The following MCM9 variants were observed in gnomAD, a reference collection of about 807,000 sequenced individuals.
The protein encoded by MCM9 is DNA helicase MCM9.
A neutral mutation model predicts 72.8 loss-of-function variants in MCM9; 55 were observed. That is an observed-to-expected ratio of 0.76 (90% CI 0.61 to 0.95). The LOEUF (loss-of-function observed/expected upper bound fraction) is 0.95, where lower values mean the gene tolerates loss of function less well. Ranked by LOEUF, MCM9 falls within the 40% of genes least tolerant of loss-of-function variation. The pLI is 0.00. For missense variants in MCM9, 1,279 were observed against 1,377.0 expected, an observed-to-expected ratio of 0.93 and a Z score of 1.13; for synonymous variants, 480 against 503.4, an observed-to-expected ratio of 0.95 and a Z score of 0.62.
At chr6:118,816,379 C>T in intron 13 of MCM9, 85 bp from the exon 14 acceptor site, 2 of 1,180,444 alleles carry the variant, frequency 1.7e-6, no homozygotes, top group Middle Eastern at 2.0e-4. Context: ...CTCTGAGATA[C>T]CATCTTAAAG....
intron 1 of MCM9, among the ~76,000 whole-genome samples, chr6:118,933,879 T>A (rs1003413218): frequency 3.4e-5 from 5 of 147,614 alleles, no homozygotes; most frequent in Admixed American, 1.4e-4. Context: ...CGGTAATTTG[T>A]TTTTGGTTAA....
chr6:118,894,587 G>T (rs1779214362), intron 8 of MCM9: 7 of 1,355,038 alleles, frequency 5.2e-6, no homozygotes, highest in Non-Finnish European at 7.1e-6. Context: ...AGTTTCCCGG[G>T]CCGGGCCTCG....
At chr6:118,931,884 C>G in intron 2 of MCM9, 146 bp from the exon 3 acceptor site, 3 of 662,240 alleles carry the variant, frequency 4.5e-6, no homozygotes, top group Non-Finnish European at 5.0e-6. Flanking sequence ...TTAATGAAAT[C>G]TGAATTATCT....
chr6:118,815,253 G>T lies in MCM9; in HGVS notation c.3003C>A (p.His1001Gln), dbSNP rs779115331. ...KEVSQQPPEK[H>Q]GPREKVMCAP... ...CACACATCACCTTCTCTCTTGGTCCGTGTTTCTCTGGTGGCTGCTGCGACA... is the reference window on the plus strand; with the variant it reads ...CACACATCACCTTCTCTCTTGGTCCTTGTTTCTCTGGTGGCTGCTGCGACA... The change falls in exon 14 of 14, where the codon CAC becomes CAA. Residue 1001 changes from histidine (H) to glutamine (Q), a missense_variant. Transcript: ENST00000619706. 4 of 1,550,636 alleles carry T rather than the reference G, an allele frequency of 2.6e-6. No homozygotes were observed. The highest frequency in any genetic ancestry group is 3.5e-6 in the Non-Finnish European group (4 of 1,146,964).
intron 11 of MCM9, 116 bp downstream of exon 11, chr6:118,827,811 A>G (rs1402547501): frequency 8.5e-6 from 8 of 944,052 alleles, no homozygotes; most frequent in Non-Finnish European, 1.3e-5. Context: ...TTAAGTGACT[A>G]TGAGCACCTT....
At position 118,837,619 on chromosome 6, in the gene MCM9, G is replaced by A. The variant is rs1215178048; in HGVS notation, c.1326-8369C>T. 3.3e-5 allele frequency among the ~76,000 whole-genome samples: 5 copies of A among 152,248 alleles called. No homozygotes were observed. In the East Asian group the frequency reaches 9.6e-4, roughly 29 times the overall value. ...GTTGCATTGATCCCTTTACCATTATGTAGTACCCTTCTTTGCCTTTTTTTA... is the reference window on the plus strand; with the variant it reads ...GTTGCATTGATCCCTTTACCATTATATAGTACCCTTCTTTGCCTTTTTTTA... On this transcript the variant is annotated intron_variant, in intron 9 of 13. Coordinates refer to ENST00000619706, the MANE Select transcript of MCM9 (RefSeq NM_017696.3).
intron 8 of MCM9, chr6:118,894,515 G>C (rs1429432135): frequency 2.0e-6 from 3 of 1,536,882 alleles, no homozygotes; most frequent in Non-Finnish European, 2.6e-6. Flanking sequence ...TCGAGGACCT[G>C]TCTGAAGGTG....
At chr6:118,923,747 C>A in intron 4 of MCM9, 64 bp downstream of exon 4, 1 of 1,395,736 alleles carries the variant, frequency 7.2e-7, no homozygotes, top group Non-Finnish European at 9.9e-7. Context: ...CTAATCCTCC[C>A]AATGTGCCCA....
intron 8 of MCM9, among the ~76,000 whole-genome samples, chr6:118,878,788 G>A (rs1435507852): frequency 1.3e-5 from 2 of 152,106 alleles, no homozygotes; most frequent in Non-Finnish European, 2.9e-5. Context: ...TGGGCACAGT[G>A]GCTTACACCT....
In MCM9 at chr6:118,932,718, T is replaced by G. The variant is rs569104527; in HGVS notation, c.-127A>C. 29 of 576,140 alleles carry G rather than the reference T, an allele frequency of 5.0e-5. No individual in the cohort carries two copies. Among genetic ancestry groups the G allele is most frequent in the African/African-American group, 1.0e-4 (5 of 49,570 alleles). The allele number at this position is 576,140 out of a possible 1,614,324, so 35.7% of individuals were successfully genotyped here. A position where few individuals can be genotyped will look rare whatever the true frequency, so the allele number is the denominator to read the frequency against. ...TCTTTCTCTTTCTTACCGTAGGAAATCTACTGGGTTCTGCAGAAACAGCTG... is the reference window on the plus strand; with the variant it reads ...TCTTTCTCTTTCTTACCGTAGGAAAGCTACTGGGTTCTGCAGAAACAGCTG... On this transcript the variant is annotated 5_prime_UTR_variant, in exon 2 of 14. Transcript: ENST00000619706.
At chr6:118,818,785 G>C (rs538590192) in intron 13 of MCM9, among the ~76,000 whole-genome samples, 2,035 of 152,252 alleles carry the variant, frequency 0.013, 20 homozygotes, top group Middle Eastern at 0.041. Context: ...CCATTTGTTT[G>C]TATCCTCTCT....
chr6:118,856,329 A>C lies in MCM9; in HGVS notation c.1325+42T>G, dbSNP rs190535767. On this transcript the variant is annotated intron_variant, in intron 9 of 13. Coordinates refer to ENST00000619706, the MANE Select transcript of MCM9 (RefSeq NM_017696.3). ...TCACATTTTCCCCTAAGCATATATTAAATAATCTCATTATTCCCATAGATT... is the reference window on the plus strand; with the variant it reads ...TCACATTTTCCCCTAAGCATATATTCAATAATCTCATTATTCCCATAGATT... 1.0e-4 allele frequency: 153 copies of C among 1,502,198 alleles called. No homozygotes were observed. The African/African-American group carries it at 2.0e-3, about 20-fold the overall frequency. 93.1% of individuals were successfully genotyped at this position (1,502,198 alleles called of 1,614,324 possible).
chr6:118,851,293 A>G (rs1776211082), intron 9 of MCM9, among the ~76,000 whole-genome samples: 2 of 151,860 alleles, frequency 1.3e-5, no homozygotes, highest in East Asian at 1.9e-4. Context: ...GTAAGATCAG[A>G]GGAGACCATA....
At chr6:118,930,683 C>T (rs1782347724) in intron 3 of MCM9, among the ~76,000 whole-genome samples, 2 of 152,188 alleles carry the variant, frequency 1.3e-5, no homozygotes, top group Non-Finnish European at 1.5e-5. Flanking sequence ...CCAGGTTAGG[C>T]GTGTAGCCTT....
At chr6:118,915,277 TC>T (rs1462319630) in intron 6 of MCM9, among the ~76,000 whole-genome samples, 1 of 152,122 alleles carries the variant, frequency 6.6e-6, no homozygotes, top group Non-Finnish European at 1.5e-5. Flanking sequence ...CATCCTCACC[TC>T]CCTCCCAAAT....
chr6:118,888,013 A>G (rs1382259900), intron 8 of MCM9, among the ~76,000 whole-genome samples: 1 of 152,210 alleles, frequency 6.6e-6, no homozygotes, highest in Non-Finnish European at 1.5e-5. Flanking sequence ...TAGGGCCAAT[A>G]AGCATATGAA....
chr6:118,846,877 C>G (rs1232149105), intron 9 of MCM9, among the ~76,000 whole-genome samples: 1 of 151,686 alleles, frequency 6.6e-6, no homozygotes, highest in African/African-American at 2.4e-5. Flanking sequence ...ATGGAAATAA[C>G]ATGCAGCTCC....
intron 8 of MCM9, 77 bp downstream of exon 8, chr6:118,911,573 T>A (rs755915604): frequency 1.3e-6 from 2 of 1,522,530 alleles, no homozygotes; most frequent in Non-Finnish European, 1.8e-6. Flanking sequence ...CTATTATAGG[T>A]AGTTTTTCAT....
chr6:118,930,012 A>C (rs928031240), intron 3 of MCM9, among the ~76,000 whole-genome samples: 3 of 152,144 alleles, frequency 2.0e-5, no homozygotes. Flanking sequence ...AGTGACTCCA[A>C]ACCTTTTTGG....
Sources: allele counts gnomAD v4.1 joint callset (sites outside exome capture counted in the v4.1 genomes callset), GRCh38; gene constraint gnomAD v4.1.1; transcripts MANE v1.5; gene names NCBI Gene and HGNC (gene_info 2026-07-23, HGNC 2026-07-21).